Variants in CDK6 observed in about 807,000 individuals in gnomAD.
CDK6 encodes the protein cyclin dependent kinase 6, also known as cyclin-dependent kinase 6.
Under a neutral mutation model 37.1 loss-of-function variants are expected in CDK6, and 6 were observed. The observed-to-expected ratio is 0.16, with a 90% CI of 0.09 to 0.32. The LOEUF is 0.32. CDK6 is among the 10% of genes least tolerant of loss of function. CDK6 has a pLI of 1.00. For missense variants in CDK6, 224 were observed against 418.9 expected, an observed-to-expected ratio of 0.53 and a Z score of 4.06; for synonymous variants, 160 against 161.3, an observed-to-expected ratio of 0.99 and a Z score of 0.06.
At chr7:92,766,373 A>C (rs1799581344) in intron 3 of CDK6, among the ~76,000 whole-genome samples, 1 of 152,212 alleles carries the variant, frequency 6.6e-6, no homozygotes, top group Non-Finnish European at 1.5e-5. Flanking sequence ...GAAGGAAAGC[A>C]AAAAATCAAG....
intron 4 of CDK6, among the ~76,000 whole-genome samples, chr7:92,688,137 T>C (rs999324509): frequency 4.6e-5 from 7 of 152,186 alleles, no homozygotes; most frequent in African/African-American, 1.7e-4. Flanking sequence ...CTCTTGGGTA[T>C]ATACAGGGAG....
chr7:92,831,437 C>T (rs1376809284), intron 2 of CDK6, among the ~76,000 whole-genome samples: 7 of 152,134 alleles, frequency 4.6e-5, no homozygotes. Context: ...CAAGAACTTC[C>T]GTCTTAAAAT....
intron 5 of CDK6, among the ~76,000 whole-genome samples, chr7:92,668,285 A>G (rs1383999175): frequency 6.6e-6 from 1 of 152,214 alleles, no homozygotes; most frequent in Non-Finnish European, 1.5e-5. Context: ...AGATTTATGT[A>G]AGTACATTCG....
intron 2 of CDK6, among the ~76,000 whole-genome samples, chr7:92,778,926 T>C (rs948117734): frequency 2.9e-5 from 4 of 138,770 alleles, no homozygotes; most frequent in Admixed American, 7.1e-5. Context: ...TAGTTTATCA[T>C]ATATATATAT....
chr7:92,754,199 C>G (rs1329761547), intron 3 of CDK6, among the ~76,000 whole-genome samples: 1 of 152,200 alleles, frequency 6.6e-6, no homozygotes, highest in East Asian at 1.9e-4. Flanking sequence ...ATGGTGCCAG[C>G]ATCTTCCTCA....
At chr7:92,698,221 A>G (rs542127893) in intron 4 of CDK6, among the ~76,000 whole-genome samples, 6 of 152,368 alleles carry the variant, frequency 3.9e-5, no homozygotes, top group African/African-American at 1.4e-4. Flanking sequence ...AATTATTGCA[A>G]TAGAATTATT....
chr7:92,795,833 T>C (rs1013426034), intron 2 of CDK6, among the ~76,000 whole-genome samples: 1 of 152,162 alleles, frequency 6.6e-6, no homozygotes, highest in African/African-American at 2.4e-5. Flanking sequence ...TTTGAATTAG[T>C]TTATACAAAG....
intron 7 of CDK6, among the ~76,000 whole-genome samples, chr7:92,616,767 T>C (rs866066017): frequency 6.6e-6 from 1 of 152,160 alleles, no homozygotes. Flanking sequence ...GAGGAAGCCC[T>C]TTCCTCACAG....
rs1584134319 is a variant in CDK6, at chr7:92,834,413, A to C, written c.-367-723T>G. Among the ~76,000 whole-genome samples, 1 of 134,460 alleles carries C rather than the reference A, an allele frequency of 7.4e-6. No homozygotes were observed. Among genetic ancestry groups the C allele is most frequent in the East Asian group, 2.3e-4 (1 of 4,420 alleles). 88.2% of individuals were successfully genotyped at this position (134,460 alleles called of 152,430 possible). On this transcript the variant is annotated intron_variant, in intron 1 of 7. Coordinates refer to ENST00000424848, the MANE Select transcript of CDK6 (RefSeq NM_001145306.2). The surrounding 1 kb of genome is among the most constrained non-coding windows in gnomAD (Gnocchi z 4.6). ...CGGAATTCTCTCTCCGGCTGGGAGGACCTCCCTGGTGGAAACCTTGGGAAG... is the reference window on the plus strand; with the variant it reads ...CGGAATTCTCTCTCCGGCTGGGAGGCCCTCCCTGGTGGAAACCTTGGGAAG...
chr7:92,801,318 G>T (rs188763042), intron 2 of CDK6, among the ~76,000 whole-genome samples: 1 of 152,154 alleles, frequency 6.6e-6, no homozygotes, highest in African/African-American at 2.4e-5. Flanking sequence ...TTAGAGAATG[G>T]AATATTTCTG....
At chr7:92,762,157 T>A (rs753591243) in intron 3 of CDK6, among the ~76,000 whole-genome samples, 134 of 152,288 alleles carry the variant, frequency 8.8e-4, no homozygotes, top group Non-Finnish European at 1.5e-3. Context: ...ATAATCATAA[T>A]GGGGGGGACA....
At chr7:92,700,894 T>C (rs1040297164) in intron 4 of CDK6, among the ~76,000 whole-genome samples, 1 of 152,346 alleles carries the variant, frequency 6.6e-6, no homozygotes, top group Non-Finnish European at 1.5e-5. Flanking sequence ...GTGAGGTCTT[T>C]AGAATATCCA....
chr7:92,695,306 A>AAAG, intron 4 of CDK6, among the ~76,000 whole-genome samples: 1 of 149,164 alleles, frequency 6.7e-6, no homozygotes, highest in East Asian at 2.1e-4. Context: ...AAGAAAGAAA[A>AAAG]AAACCAACAA....
intron 2 of CDK6, among the ~76,000 whole-genome samples, chr7:92,828,577 T>A (rs1252141548): frequency 6.6e-6 from 1 of 152,178 alleles, no homozygotes; most frequent in Non-Finnish European, 1.5e-5. Flanking sequence ...AGTGAGACAT[T>A]TGTTTTTTTA....
At chr7:92,729,125 C>T (rs1257530381) in intron 3 of CDK6, among the ~76,000 whole-genome samples, 2 of 152,122 alleles carry the variant, frequency 1.3e-5, no homozygotes, top group African/African-American at 2.4e-5. Flanking sequence ...GAAAAAAACA[C>T]CTTTCCTACA....
chr7:92,836,433 A>AC (rs1168764462), intron 1 of CDK6, 45 bp downstream of exon 1: 3 of 132,514 alleles, frequency 2.3e-5, no homozygotes, highest in African/African-American at 8.5e-5. Context: ...CTCCCCCGGG[A>AC]CCCCCCACCC....
At chr7:92,678,959 C>T (rs563215687) in intron 4 of CDK6, among the ~76,000 whole-genome samples, 1 of 152,314 alleles carries the variant, frequency 6.6e-6, no homozygotes, top group East Asian at 1.9e-4. Context: ...AGGAAGCCTG[C>T]TCTACTTGCT....
At chr7:92,650,809 A>C (rs572351600) in intron 5 of CDK6, among the ~76,000 whole-genome samples, 1 of 152,132 alleles carries the variant, frequency 6.6e-6, no homozygotes, top group South Asian at 2.1e-4. Flanking sequence ...GCTACGTCTC[A>C]GAGCCAGCAA....
intron 2 of CDK6, among the ~76,000 whole-genome samples, chr7:92,782,479 T>C (rs116558296): frequency 0.019 from 2,893 of 152,264 alleles, 96 homozygotes; most frequent in African/African-American, 0.067. Flanking sequence ...GATGAATGAT[T>C]CAGAGGTGGA....
Sources: allele counts gnomAD v4.1 joint callset (sites outside exome capture counted in the v4.1 genomes callset), GRCh38; gene constraint gnomAD v4.1.1; non-coding constraint Gnocchi (gnomAD v3.1); transcripts MANE v1.5; gene names NCBI Gene and HGNC (gene_info 2026-07-23, HGNC 2026-07-21).